The following PM20D2 variants were observed in gnomAD, a reference collection of about 807,000 sequenced individuals.
The protein encoded by PM20D2 is xaa-Arg dipeptidase.
PM20D2 carries 33 observed loss-of-function variants against 42.9 expected under a neutral mutation model. The ratio of observed to expected loss-of-function variants is 0.77; its 90% CI spans 0.58 to 1.03. The LOEUF (loss-of-function observed/expected upper bound fraction) is 1.03, where lower values mean the gene tolerates loss of function less well. Ranked by LOEUF, PM20D2 falls within the 50% of genes least tolerant of loss-of-function variation. PM20D2 has a pLI of 0.00. For synonymous variants in PM20D2, 250 were observed against 228.2 expected (o/e 1.10, Z -0.86); for missense variants, 548 against 557.0 (o/e 0.98, Z 0.16).
At chr6:89,123,814 A>T in the PM20D2 span, among the ~76,000 whole-genome samples, 1 of 151,132 alleles carries the variant, frequency 6.6e-6, no homozygotes, top group African/African-American at 2.4e-5. Context: ...CTGAGGCAGG[A>T]TGATTGAGGC....
intron 1 of PM20D2, among the ~76,000 whole-genome samples, chr6:89,147,847 C>T (rs113398984): frequency 6.6e-6 from 1 of 150,836 alleles, no homozygotes; most frequent in Admixed American, 6.6e-5. Flanking sequence ...GAGCCGACAT[C>T]GCGCCACTGC....
the PM20D2 span, among the ~76,000 whole-genome samples, chr6:89,103,289 T>C: frequency 6.6e-6 from 1 of 152,048 alleles, no homozygotes; most frequent in Non-Finnish European, 1.5e-5. Flanking sequence ...AAAAACTGGT[T>C]CACTAAGGCT....
At chr6:89,143,222 A>G (rs1208923000), upstream of PM20D2, among the ~76,000 whole-genome samples, 2 of 152,202 alleles carry the variant, frequency 1.3e-5, no homozygotes, top group Non-Finnish European at 2.9e-5. Context: ...CTGCCTTTTC[A>G]AAAGGAGTTC....
chr6:89,118,520 G>C, the PM20D2 span, among the ~76,000 whole-genome samples: 3 of 152,188 alleles, frequency 2.0e-5, no homozygotes, highest in African/African-American at 7.2e-5. Flanking sequence ...GGGTCTCGCT[G>C]TGTTGCCCAG....
intron 1 of PM20D2, 67 bp downstream of exon 1, chr6:89,146,676 G>T: frequency 7.9e-7 from 1 of 1,263,294 alleles, no homozygotes; most frequent in South Asian, 1.9e-5. Context: ...GGGAAGGGCG[G>T]GACTCTCGTG....
chr6:89,105,076 C>T, the PM20D2 span: 1 of 1,543,168 alleles, frequency 6.5e-7, no homozygotes, highest in East Asian at 2.3e-5. Flanking sequence ...ATCTATTTCC[C>T]AGAAAAAGTA....
intron 2 of PM20D2, among the ~76,000 whole-genome samples, chr6:89,151,842 C>T (rs753433804): frequency 4.6e-5 from 7 of 152,084 alleles, no homozygotes; most frequent in Admixed American, 3.3e-4. Flanking sequence ...AATCACAGCA[C>T]TTAGGGACGT....
the PM20D2 span, chr6:89,117,713 A>C: frequency 9.1e-7 from 1 of 1,096,882 alleles, no homozygotes; most frequent in Non-Finnish European, 1.2e-6. Flanking sequence ...GCCCGCGGGG[A>C]GGCTCCGCGC....
chr6:89,094,781 CTTT>C, the PM20D2 span, among the ~76,000 whole-genome samples: 83 of 138,822 alleles, frequency 6.0e-4, 1 homozygote, highest in Admixed American at 9.4e-4. Flanking sequence ...TGCTACGCAT[CTTT>C]TTTTTTTTTT....
chr6:89,155,785 C>T (rs1446188525), intron 4 of PM20D2, among the ~76,000 whole-genome samples: 1 of 152,044 alleles, frequency 6.6e-6, no homozygotes, highest in African/African-American at 2.4e-5. Context: ...TTTGGCTCAA[C>T]GCAACCTCCT....
the PM20D2 span, among the ~76,000 whole-genome samples, chr6:89,117,132 T>C: frequency 1.3e-5 from 2 of 152,004 alleles, no homozygotes; most frequent in Non-Finnish European, 1.5e-5. Context: ...GTAGACAAAA[T>C]TCTCAACGGA....
At position 89,149,947 on chromosome 6, in the gene PM20D2, T is replaced by A. The variant is rs140596020; in HGVS notation, c.614+534T>A. On this transcript the variant is annotated intron_variant, in intron 2 of 6. Transcript: ENST00000275072. ...TGCTGAAACCTTTTATTTGTCTTTC[T>A]TTATGTTGAAGAACTCACTTTTTAG... is the stretch of plus-strand genomic sequence containing the variant. 5.4e-3 allele frequency among the ~76,000 whole-genome samples: 820 copies of A among 152,350 alleles called. 1 individual carries two copies. Among genetic ancestry groups the A allele is most frequent in the Middle Eastern group, 0.017 (5 of 294 alleles).
intron 5 of PM20D2, 25 bp from the exon 6 acceptor site, chr6:89,161,757 CT>C: frequency 1.3e-6 from 2 of 1,529,566 alleles, no homozygotes; most frequent in Non-Finnish European, 1.8e-6. Flanking sequence ...CTTAAATAGA[CT>C]TTTCTTAACT....
intron 2 of PM20D2, among the ~76,000 whole-genome samples, chr6:89,152,230 G>A (rs1201226142): frequency 6.6e-6 from 1 of 152,152 alleles, no homozygotes; most frequent in Admixed American, 6.5e-5. Flanking sequence ...TCTGGAATCA[G>A]TTGAGAAGAA....
chr6:89,118,933 G>C, the PM20D2 span, among the ~76,000 whole-genome samples: 1 of 152,170 alleles, frequency 6.6e-6, no homozygotes, highest in South Asian at 2.1e-4. Flanking sequence ...AGTTAGACTC[G>C]TCTTCGCCTT....
At chr6:89,109,814 G>A in the PM20D2 span, among the ~76,000 whole-genome samples, 12 of 152,160 alleles carry the variant, frequency 7.9e-5, no homozygotes, top group Non-Finnish European at 5.9e-5. Flanking sequence ...TTTTCTGGCC[G>A]GGCGCGGTGG....
chr6:89,095,255 T>C, the PM20D2 span, among the ~76,000 whole-genome samples: 1 of 152,252 alleles, frequency 6.6e-6, no homozygotes, highest in East Asian at 1.9e-4. Flanking sequence ...AGACAGTGTC[T>C]TACTCTGTAG....
the PM20D2 span, among the ~76,000 whole-genome samples, chr6:89,122,867 G>C: frequency 6.6e-6 from 1 of 152,196 alleles, no homozygotes; most frequent in East Asian, 1.9e-4. Flanking sequence ...AGTGATGTGG[G>C]GATTTGTATA....
chr6:89,152,773 A>G (rs910047017), intron 2 of PM20D2, among the ~76,000 whole-genome samples: 2 of 151,670 alleles, frequency 1.3e-5, no homozygotes, highest in Non-Finnish European at 2.9e-5. Context: ...ACCATATTGC[A>G]TGTTTGCATT....
Sources: allele counts gnomAD v4.1 joint callset (sites outside exome capture counted in the v4.1 genomes callset), GRCh38; gene constraint gnomAD v4.1.1; transcripts MANE v1.5; gene names NCBI Gene and HGNC (gene_info 2026-07-23, HGNC 2026-07-21).